The following CAV1 variants were observed in gnomAD, a reference collection of about 807,000 sequenced individuals.
The protein encoded by CAV1 is caveolin 1, also known as caveolin-1.
Under a neutral mutation model 16.5 loss-of-function variants are expected in CAV1, and 10 were observed. The observed-to-expected ratio is 0.61, with a 90% CI of 0.37 to 1.03. The LOEUF (loss-of-function observed/expected upper bound fraction) is 1.03. Ranked by LOEUF, CAV1 falls within the 50% of genes least tolerant of loss-of-function variation. The pLI is 0.01. For missense variants in CAV1, 212 were observed against 232.8 expected, an observed-to-expected ratio of 0.91 and a Z score of 0.58; for synonymous variants, 76 against 85.1, an observed-to-expected ratio of 0.89 and a Z score of 0.59.
At chr7:116,558,842 ACTCATAAATG>A in intron 2 of CAV1, 94 bp from the exon 3 acceptor site, 1 of 845,786 alleles carries the variant, frequency 1.2e-6, no homozygotes, top group Non-Finnish European at 1.9e-6. Context: ...CAAAGAACGA[ACTCATAAATG>A]CTAATACAGT....
At chr7:116,545,641 C>A (rs1312520282) in intron 2 of CAV1, among the ~76,000 whole-genome samples, 1 of 152,190 alleles carries the variant, frequency 6.6e-6, no homozygotes, top group African/African-American at 2.4e-5. Flanking sequence ...AGGAAACAAC[C>A]TCTACCGTGA....
intron 2 of CAV1, among the ~76,000 whole-genome samples, chr7:116,533,924 C>G (rs1793738074): frequency 1.3e-5 from 2 of 152,128 alleles, no homozygotes; most frequent in African/African-American, 2.4e-5. Context: ...TTAATATCCT[C>G]TCCTCACATA....
chr7:116,529,454 T>C (rs1270007649), intron 2 of CAV1, among the ~76,000 whole-genome samples: 3 of 152,136 alleles, frequency 2.0e-5, no homozygotes, highest in African/African-American at 7.2e-5. Context: ...GTGCAACAGG[T>C]AAAGCTAGTG....
At chr7:116,526,367 C>T (rs997556156) in intron 1 of CAV1, 158 bp from the exon 2 acceptor site, 4 of 1,506,474 alleles carry the variant, frequency 2.7e-6, no homozygotes, top group Non-Finnish European at 3.5e-6. Flanking sequence ...TTTCTGTGCA[C>T]GGAGCCGTAG....
intron 2 of CAV1, among the ~76,000 whole-genome samples, chr7:116,534,378 TATATATATA>T (rs1793754090): frequency 4.0e-4 from 6 of 15,128 alleles, no homozygotes; most frequent in African/African-American, 8.5e-4. Flanking sequence ...TATATATATA[TATATATATA>T]TATATATATT....
At chr7:116,556,702 C>T (rs1794300920) in intron 2 of CAV1, among the ~76,000 whole-genome samples, 2 of 152,188 alleles carry the variant, frequency 1.3e-5, no homozygotes, top group Non-Finnish European at 2.9e-5. Context: ...TAGGAATCCT[C>T]TGCTCCCGGT....
chr7:116,538,561 A>T (rs971881238), intron 2 of CAV1, among the ~76,000 whole-genome samples: 1 of 152,232 alleles, frequency 6.6e-6, no homozygotes, highest in Non-Finnish European at 1.5e-5. Context: ...GCTTTTTAGT[A>T]GGAAGAGAAA....
intron 2 of CAV1, among the ~76,000 whole-genome samples, chr7:116,527,985 C>A (rs1450673978): frequency 6.6e-6 from 1 of 151,694 alleles, no homozygotes; most frequent in Non-Finnish European, 1.5e-5. Context: ...AAAGCAACAG[C>A]AACAAAAGTA....
chr7:116,555,651 AAAGG>A lies in CAV1; in HGVS notation c.196-3279_196-3276del, dbSNP rs1236099503. ...GGAGGGAGGGAGAGGAGAGAAAGAAAAAGGAAGGAAGGAAGGAAGAGAGAGAGAG... is the reference window on the plus strand; with the variant it reads ...GGAGGGAGGGAGAGGAGAGAAAGAAAAAGGAAGGAAGGAAGAGAGAGAGAG... On this transcript the variant is annotated intron_variant, in intron 2 of 2. Transcript: ENST00000341049. 2.1e-4 allele frequency among the ~76,000 whole-genome samples: 31 copies of A among 150,784 alleles called. 1 individual carries two copies. Among genetic ancestry groups the A allele is most frequent in the South Asian group, 1.1e-3 (5 of 4,674 alleles).
At chr7:116,542,113 T>C (rs1380235347) in intron 2 of CAV1, among the ~76,000 whole-genome samples, 1 of 152,214 alleles carries the variant, frequency 6.6e-6, no homozygotes, top group Non-Finnish European at 1.5e-5. Flanking sequence ...GCAAAAGGCA[T>C]GCATTGTATA....
intron 2 of CAV1, chr7:116,542,779 G>GT (rs1793966242): frequency 6.6e-6 from 1 of 152,186 alleles, no homozygotes; most frequent in South Asian, 2.1e-4. Context: ...AGCTTAGCCA[G>GT]TTAGAACACC....
At chr7:116,525,520 G>A (rs1191998538) in intron 1 of CAV1, 6 of 1,235,950 alleles carry the variant, frequency 4.9e-6, no homozygotes, top group East Asian at 5.0e-5. Flanking sequence ...GGGACTCTCC[G>A]CCAGGCGCCC....
chr7:116,532,917 A>G (rs1279942244), intron 2 of CAV1, among the ~76,000 whole-genome samples: 2 of 152,232 alleles, frequency 1.3e-5, no homozygotes, highest in East Asian at 1.9e-4. Flanking sequence ...AAAGCGTTCT[A>G]GTCCCACTGG....
At chr7:116,525,195 T>A in intron 1 of CAV1, 103 bp downstream of exon 1, 1 of 1,613,696 alleles carries the variant, frequency 6.2e-7, no homozygotes, top group South Asian at 1.1e-5. Context: ...CCCAGCCCTC[T>A]CTCCACTTCG....
chr7:116,560,417 C>G lies in CAV1; in HGVS notation c.*1130C>G, dbSNP rs1794386206. ...TGTAAAATGGAGGCCATTGTGTGAG[C>G]CTATCAGAGTTGCTGCAAACCTGAC... is the stretch of plus-strand genomic sequence containing the variant. On this transcript the variant is annotated 3_prime_UTR_variant, in exon 3 of 3. Coordinates refer to ENST00000341049, the MANE Select transcript of CAV1 (RefSeq NM_001753.5). 1 of 152,164 alleles carries G rather than the reference C, an allele frequency of 6.6e-6. No individual in the cohort carries two copies. Among genetic ancestry groups the G allele is most frequent in the South Asian group, 2.1e-4 (1 of 4,828 alleles). 9.4% of individuals were successfully genotyped at this position (152,164 alleles called of 1,614,324 possible).
chr7:116,537,313 G>A lies in CAV1; in HGVS notation c.195+10624G>A, dbSNP rs1354137745. Among the ~76,000 whole-genome samples, 5 of 152,158 alleles carry A rather than the reference G, an allele frequency of 3.3e-5. 1 individual carries two copies. Among genetic ancestry groups the A allele is most frequent in the South Asian group, 2.1e-4 (1 of 4,804 alleles). ...GAGATATCCCCTTTAAAGGGCTCTC[G>A]GTGCAATGGGGCAAATCAAGGGGGT... On this transcript the variant is annotated intron_variant, in intron 2 of 2. Transcript: ENST00000341049.
At chr7:116,546,669 ACTGGG>A (rs1481156361) in intron 2 of CAV1, among the ~76,000 whole-genome samples, 1 of 146,540 alleles carries the variant, frequency 6.8e-6, no homozygotes, top group Non-Finnish European at 1.5e-5. Flanking sequence ...TGCACTTCAG[ACTGGG>A]CAACAAGAAT....
At chr7:116,534,219 A>AAAAAAT (rs1487075174) in intron 2 of CAV1, among the ~76,000 whole-genome samples, 1 of 151,140 alleles carries the variant, frequency 6.6e-6, no homozygotes, top group East Asian at 2.0e-4. Context: ...CTCCATCACA[A>AAAAAAT]AAAAATAAAA....
chr7:116,546,187 A>G (rs3807989), intron 2 of CAV1, among the ~76,000 whole-genome samples: 80,937 of 152,004 alleles, frequency 0.53, 22,710 homozygotes, highest in East Asian at 0.73. Context: ...CAACATCAAC[A>G]TGTGCTACCA....
Sources: gnomAD v4.1 joint callset for allele counts (sites outside exome capture counted in the v4.1 genomes callset) on GRCh38, gnomAD v4.1.1 for gene constraint, MANE v1.5 for transcripts, NCBI Gene and HGNC (gene_info 2026-07-23, HGNC 2026-07-21) for gene names.